MDM1: variants seen among roughly 807,000 people sequenced by gnomAD.
The protein encoded by MDM1 is stabilizer of axonemal microtubules 6.
A neutral mutation model predicts 89.1 loss-of-function variants in MDM1; 61 were observed. That is an observed-to-expected ratio of 0.68 (90% CI 0.56 to 0.85). MDM1 has a LOEUF of 0.85. Among genes scored for constraint, MDM1 ranks in the 40% least tolerant of loss-of-function variants. The pLI is 0.00. For missense variants in MDM1, 820 were observed against 846.5 expected (o/e 0.97, Z 0.39); for synonymous variants, 290 against 294.1 (o/e 0.99, Z 0.14).
intron 3 of MDM1, chr12:68,326,353 T>C: frequency 7.1e-7 from 1 of 1,405,570 alleles, no homozygotes; most frequent in Non-Finnish European, 9.2e-7. Context: ...TTCCCTTCTC[T>C]GTCTCAACTT....
chr12:68,313,858 G>C (rs1269251492), intron 10 of MDM1, 105 bp from the exon 11 acceptor site: 2 of 990,024 alleles, frequency 2.0e-6, no homozygotes, highest in African/African-American at 3.2e-5. Flanking sequence ...AAACTTGTAA[G>C]AGGCCAGGCG....
chr12:68,325,076 G>A (rs1875765589), intron 4 of MDM1: 19 of 950,888 alleles, frequency 2.0e-5, no homozygotes, highest in Non-Finnish European at 2.3e-5. Context: ...CAGGAAACAC[G>A]CAATATATTA....
chr12:68,314,860 A>G lies in MDM1; in HGVS notation c.1529+88T>C, dbSNP rs576493261. 5.2e-6 allele frequency: 6 copies of G among 1,149,026 alleles called. No homozygotes were observed. The East Asian group carries it at 7.1e-5, about 14-fold the overall frequency. 71.2% of individuals were successfully genotyped at this position (1,149,026 alleles called of 1,614,324 possible). A position where few individuals can be genotyped will look rare whatever the true frequency, so the allele number is the denominator to read the frequency against. The stretch of plus-strand genomic sequence containing the variant: ...TCTGCAATTTATTAGTCATAAAATC[A>G]AAAGAGTAAACCACTATATTTAGTG... On this transcript the variant is annotated intron_variant, in intron 10 of 14. Coordinates refer to ENST00000682720, the MANE Select transcript of MDM1 (RefSeq NM_001354969.2).
chr12:68,309,179 T>G lies in MDM1; in HGVS notation c.1749+4264A>C, dbSNP rs1176628608. On this transcript the variant is annotated intron_variant, in intron 12 of 14. Coordinates refer to ENST00000682720, the MANE Select transcript of MDM1 (RefSeq NM_001354969.2). ...AATGTTGCCATGTTTTCCAGCCTCA[T>G]GTTGTACCAGGCTCCCTGCCACACA... Among the ~76,000 whole-genome samples the G allele has an allele frequency of 3.9e-5, 6 of 152,350 alleles. No individual in the cohort carries two copies. In the South Asian group the frequency reaches 1.2e-3, roughly 32 times the overall value.
Position 68,313,455 on chromosome 12 carries a change from A to G in MDM1, c.1737T>C (p.Asn579=), listed in dbSNP as rs145657396. The G allele has an allele frequency of 3.7e-6, 6 of 1,611,854 alleles. No individual in the cohort carries two copies. Among genetic ancestry groups the G allele is most frequent in the Non-Finnish European group, 5.1e-6 (6 of 1,178,126 alleles). The change falls in exon 12 of 15, where the codon AAT becomes AAC. Residue 579 remains asparagine (N), a synonymous_variant. Coordinates refer to ENST00000682720, the MANE Select transcript of MDM1 (RefSeq NM_001354969.2). The stretch of plus-strand genomic sequence containing the variant: ...AAAACATGTTTACCTTAGTAAAATC[A>G]TTCTTTGAAGTTTCTAAACAATCCT... ...TSQDCLETSK[N]DFTKKESRAV... is the part of the protein sequence containing the mutation.
chr12:68,325,102 C>T (rs1875772692), intron 4 of MDM1: 3 of 956,886 alleles, frequency 3.1e-6, no homozygotes, highest in Non-Finnish European at 2.5e-6. Context: ...CAAAACACAA[C>T]ATTTTAGAAT....
intron 12 of MDM1, among the ~76,000 whole-genome samples, chr12:68,312,853 G>C (rs1237876643): frequency 2.0e-5 from 3 of 151,938 alleles, no homozygotes; most frequent in Non-Finnish European, 4.4e-5. Flanking sequence ...TCACCTGAGG[G>C]ATCTGCACTT....
At chr12:68,328,529 A>G (rs1035088112) in intron 2 of MDM1, among the ~76,000 whole-genome samples, 12 of 152,262 alleles carry the variant, frequency 7.9e-5, no homozygotes, top group Non-Finnish European at 1.5e-4. Context: ...GCAATATACC[A>G]GAAATTCTAT....
At chr12:68,330,533 T>C (rs1876638112) in intron 2 of MDM1, among the ~76,000 whole-genome samples, 1 of 152,234 alleles carries the variant, frequency 6.6e-6, no homozygotes, top group African/African-American at 2.4e-5. Context: ...TTCTGGAGCA[T>C]CAGTAAATTT....
At chr12:68,304,997 C>G (rs1480746922) in intron 12 of MDM1, among the ~76,000 whole-genome samples, 1 of 152,152 alleles carries the variant, frequency 6.6e-6, no homozygotes, top group Non-Finnish European at 1.5e-5. Flanking sequence ...ATTTTTGTGT[C>G]TACCTTCATC....
chr12:68,309,157 G>A (rs952378314), intron 12 of MDM1, among the ~76,000 whole-genome samples: 1 of 152,166 alleles, frequency 6.6e-6, no homozygotes, highest in Non-Finnish European at 1.5e-5. Context: ...AAATCCCAAT[G>A]TTGCCATGTT....
chr12:68,323,561 A>G (rs535337967), intron 4 of MDM1, among the ~76,000 whole-genome samples: 10 of 152,174 alleles, frequency 6.6e-5, no homozygotes, highest in African/African-American at 2.2e-4. Context: ...CCTCCCTGAC[A>G]TGATTTTTTT....
At chr12:68,317,206 A>G (rs1387842609) in intron 7 of MDM1, among the ~76,000 whole-genome samples, 3 of 152,158 alleles carry the variant, frequency 2.0e-5, no homozygotes, top group Non-Finnish European at 2.9e-5. Context: ...AGCAGCCTTC[A>G]TACCCATTTG....
intron 12 of MDM1, among the ~76,000 whole-genome samples, chr12:68,304,791 C>T (rs968628111): frequency 7.9e-5 from 12 of 152,194 alleles, no homozygotes; most frequent in Non-Finnish European, 1.2e-4. Flanking sequence ...GCCCTGTGTA[C>T]AGCAGTTCTC....
At chr12:68,303,900 T>A (rs1463483870) in intron 12 of MDM1, among the ~76,000 whole-genome samples, 2 of 152,238 alleles carry the variant, frequency 1.3e-5, no homozygotes, top group Non-Finnish European at 2.9e-5. Context: ...CCACAATGAC[T>A]ATGTATCACT....
At chr12:68,306,738 T>C (rs1872938020) in intron 12 of MDM1, among the ~76,000 whole-genome samples, 1 of 152,188 alleles carries the variant, frequency 6.6e-6, no homozygotes, top group Admixed American at 6.5e-5. Context: ...TAACAGATGT[T>C]GGCAAGGATG....
At chr12:68,298,056 A>C (rs2870811) in intron 13 of MDM1, among the ~76,000 whole-genome samples, 150,833 of 152,152 alleles carry the variant, frequency 0.99, 74,774 homozygotes, top group Middle Eastern at 1. Flanking sequence ...CAACACAGGG[A>C]AAGCTCAATT....
intron 4 of MDM1, chr12:68,325,238 C>A: frequency 8.5e-7 from 1 of 1,177,028 alleles, no homozygotes; most frequent in Middle Eastern, 3.4e-4. Context: ...CAACAATGAT[C>A]ATCAGAAGCC....
Position 68,326,720 on chromosome 12 carries a change from T to G in MDM1, c.435A>C (p.Pro145=). The change falls in exon 3 of 15, where the codon CCA becomes CCC. Residue 145 remains proline (P), a synonymous_variant. Transcript: ENST00000682720. ...GTTCCAGTTCCACATTTTCATTAAC[T>G]GGTGTATGGTTTGTTACACCCTCAT... ...ENNEGVTNHT[P]VNENVELEHS... 6.2e-7 allele frequency: 1 copy of G among 1,614,194 alleles called. No individual in the cohort carries two copies. Among genetic ancestry groups the G allele is most frequent in the Non-Finnish European group, 8.5e-7 (1 of 1,179,994 alleles).
Sources: allele counts gnomAD v4.1 joint callset (sites outside exome capture counted in the v4.1 genomes callset), GRCh38; gene constraint gnomAD v4.1.1; transcripts MANE v1.5; gene names NCBI Gene and HGNC (gene_info 2026-07-23, HGNC 2026-07-21).